CNTN4: variants seen among roughly 807,000 people sequenced by gnomAD.
CNTN4 encodes the protein contactin-4.
Under a neutral mutation model 122.5 loss-of-function variants are expected in CNTN4, and 77 were observed. The ratio of observed to expected loss-of-function variants is 0.63; its 90% CI spans 0.52 to 0.76. The LOEUF (loss-of-function observed/expected upper bound fraction) is 0.76. Ranked by LOEUF, CNTN4 falls within the 30% of genes least tolerant of loss-of-function variation. The probability of loss-of-function intolerance (pLI) is 0.00; values close to 1 mark genes in which losing one functional copy is unlikely to be tolerated. For synonymous variants in CNTN4, 512 were observed against 447.0 expected, an observed-to-expected ratio of 1.15 and a Z score of -1.83; for missense variants, 1,256 against 1,259.1, an observed-to-expected ratio of 1.00 and a Z score of 0.04.
At chr3:2,121,722 A>C (rs1306670210) in intron 2 of CNTN4, among the ~76,000 whole-genome samples, 1 of 152,192 alleles carries the variant, frequency 6.6e-6, no homozygotes, top group Non-Finnish European at 1.5e-5. Context: ...GAAAGAGTTA[A>C]AGGTAATTAT....
chr3:2,172,944 G>A (rs948045021), intron 2 of CNTN4, among the ~76,000 whole-genome samples: 16 of 152,178 alleles, frequency 1.1e-4, no homozygotes, highest in Non-Finnish European at 7.3e-5. Flanking sequence ...GATGATTGAC[G>A]TTTTAAGCCT....
intron 4 of CNTN4, among the ~76,000 whole-genome samples, chr3:2,729,299 T>C (rs2088471848): frequency 6.6e-6 from 1 of 151,820 alleles, no homozygotes; most frequent in Admixed American, 6.6e-5. Flanking sequence ...GCGCGGTGGC[T>C]CACGCCTGTA....
chr3:2,672,206 C>A (rs868257888), intron 4 of CNTN4, among the ~76,000 whole-genome samples: 34 of 152,180 alleles, frequency 2.2e-4, no homozygotes, highest in South Asian at 1.0e-3. Context: ...TGCCCTGCCC[C>A]CAGTGGTGGA....
chr3:2,613,735 G>A (rs890666082), intron 4 of CNTN4, among the ~76,000 whole-genome samples: 2 of 151,990 alleles, frequency 1.3e-5, no homozygotes, highest in Admixed American at 6.6e-5. Context: ...TATCACTATC[G>A]GATGTGTCAT....
At chr3:2,857,057 C>T (rs140198082) in intron 7 of CNTN4, among the ~76,000 whole-genome samples, 30 of 152,288 alleles carry the variant, frequency 2.0e-4, no homozygotes, top group African/African-American at 6.5e-4. Flanking sequence ...CTATGGAATT[C>T]GAATCCACAG....
At chr3:2,857,802 C>T (rs914129617) in intron 7 of CNTN4, among the ~76,000 whole-genome samples, 7 of 152,170 alleles carry the variant, frequency 4.6e-5, no homozygotes, top group Non-Finnish European at 8.8e-5. Context: ...CCATGCTAGT[C>T]TGGGCCATTC....
At chr3:2,936,517 A>G (rs1341071727) in intron 13 of CNTN4, among the ~76,000 whole-genome samples, 2 of 152,192 alleles carry the variant, frequency 1.3e-5, no homozygotes, top group Admixed American at 1.3e-4. Flanking sequence ...TGAGATGACC[A>G]GTAAGGCTCT....
chr3:2,576,903 G>T (rs558843864), intron 4 of CNTN4, among the ~76,000 whole-genome samples: 91 of 152,236 alleles, frequency 6.0e-4, no homozygotes, highest in Middle Eastern at 3.4e-3. Context: ...TTCCCCTGTT[G>T]TATTTTTCTG....
intron 17 of CNTN4, among the ~76,000 whole-genome samples, chr3:3,036,235 T>G (rs9310930): frequency 0.02 from 3,042 of 152,326 alleles, 106 homozygotes; most frequent in African/African-American, 0.07. Flanking sequence ...GAGCAATTCA[T>G]ATAAATCTTG....
chr3:2,557,190 C>A (rs79833176), intron 3 of CNTN4, among the ~76,000 whole-genome samples: 10,636 of 152,218 alleles, frequency 0.07, 510 homozygotes, highest in Middle Eastern at 0.11. Flanking sequence ...ACTACAGTTT[C>A]TCCTACCAAC....
intron 6 of CNTN4, among the ~76,000 whole-genome samples, chr3:2,815,306 C>T (rs2092701402): frequency 1.3e-5 from 2 of 152,234 alleles, no homozygotes; most frequent in South Asian, 4.1e-4. Context: ...ACGGACAACC[C>T]ACAGAGTGGA....
intron 3 of CNTN4, among the ~76,000 whole-genome samples, chr3:2,375,922 GA>G (rs776661178): frequency 2.9e-4 from 41 of 141,038 alleles, no homozygotes; most frequent in South Asian, 9.0e-4. Context: ...GTTGAAAGAA[GA>G]AAAAAAAAAA....
At chr3:2,694,804 A>G (rs1314649346) in intron 4 of CNTN4, among the ~76,000 whole-genome samples, 3 of 152,232 alleles carry the variant, frequency 2.0e-5, no homozygotes, top group Non-Finnish European at 2.9e-5. Context: ...GAGCTGTAGC[A>G]TTACAGTTCT....
intron 5 of CNTN4, among the ~76,000 whole-genome samples, chr3:2,743,290 ACAGT>A (rs1559454784): frequency 1.3e-5 from 2 of 152,096 alleles, no homozygotes; most frequent in African/African-American, 4.8e-5. Flanking sequence ...TCTAGGGCAG[ACAGT>A]CAGTTCTAGA....
At chr3:2,712,035 C>G (rs535187929) in intron 4 of CNTN4, among the ~76,000 whole-genome samples, 1 of 152,084 alleles carries the variant, frequency 6.6e-6, no homozygotes, top group Admixed American at 6.6e-5. Context: ...TCTACTCTGG[C>G]TGCTAATGAC....
At chr3:2,432,780 C>T (rs1473949122) in intron 3 of CNTN4, among the ~76,000 whole-genome samples, 6 of 148,822 alleles carry the variant, frequency 4.0e-5, no homozygotes, top group South Asian at 2.1e-4. Context: ...CTGCAGTGAA[C>T]GTGGTAGTGC....
At chr3:2,115,226 G>A (rs928359683) in intron 2 of CNTN4, among the ~76,000 whole-genome samples, 1 of 152,170 alleles carries the variant, frequency 6.6e-6, no homozygotes, top group Non-Finnish European at 1.5e-5. Context: ...TGAAGAAATG[G>A]TTAGTAGATG....
intron 7 of CNTN4, among the ~76,000 whole-genome samples, chr3:2,863,964 A>G (rs2093696646): frequency 6.6e-6 from 1 of 152,244 alleles, no homozygotes; most frequent in African/African-American, 2.4e-5. Flanking sequence ...GGTTGTTTGC[A>G]TCTCTCACTA....
intron 2 of CNTN4, among the ~76,000 whole-genome samples, chr3:2,304,483 T>C (rs145774056): frequency 3.4e-4 from 52 of 152,302 alleles, no homozygotes; most frequent in African/African-American, 1.3e-3. Flanking sequence ...TCCTTGACAT[T>C]GATTATGATT....
Sources: allele counts gnomAD v4.1 joint callset (sites outside exome capture counted in the v4.1 genomes callset), GRCh38; gene constraint gnomAD v4.1.1; transcripts MANE v1.5; gene names NCBI Gene and HGNC (gene_info 2026-07-23, HGNC 2026-07-21).